DLG2: variants seen among roughly 807,000 people sequenced by gnomAD.
DLG2 encodes disks large homolog 2.
DLG2 carries 45 observed loss-of-function variants against 132.5 expected under a neutral mutation model. The observed-to-expected ratio is 0.34, with a 90% confidence interval of 0.27 to 0.44. The LOEUF (loss-of-function observed/expected upper bound fraction) is 0.44, where lower values mean the gene tolerates loss of function less well. Among genes scored for constraint, DLG2 ranks in the 20% least tolerant of loss-of-function variants. DLG2 has a pLI of 1.00. For missense variants in DLG2, 1,045 were observed against 1,196.9 expected, an observed-to-expected ratio of 0.87 and a Z score of 1.87; for synonymous variants, 424 against 419.6, an observed-to-expected ratio of 1.01 and a Z score of -0.13.
rs566091585 is a variant in DLG2 at position 85,325,248 on chromosome 11, C to G, written c.41-39883G>C. 4.6e-5 allele frequency among the ~76,000 whole-genome samples: 7 copies of G among 152,270 alleles called. No homozygotes were observed. In the South Asian group the frequency reaches 1.5e-3, roughly 32 times the overall value. ...TTAGGTAAACAAAGCAGCTGGGAAG[C>G]TCGAACTGGGCGGAGCCCACCACAG... On this transcript the variant is annotated intron_variant, in intron 3 of 27. Transcript: ENST00000376104.
At chr11:83,794,684 G>A (rs1233603206) in intron 17 of DLG2, among the ~76,000 whole-genome samples, 2 of 152,016 alleles carry the variant, frequency 1.3e-5, no homozygotes, top group African/African-American at 4.8e-5. Flanking sequence ...CCTCAGGAGG[G>A]TGGGATTATT....
intron 6 of DLG2, among the ~76,000 whole-genome samples, chr11:84,659,067 A>G (rs2099691616): frequency 6.6e-6 from 1 of 152,198 alleles, no homozygotes; most frequent in Non-Finnish European, 1.5e-5. Context: ...CACTTAGTCT[A>G]TAGTATTCTG....
chr11:84,108,642 G>C (rs546641615), intron 9 of DLG2, among the ~76,000 whole-genome samples: 18 of 152,278 alleles, frequency 1.2e-4, no homozygotes, highest in Admixed American at 3.3e-4. Context: ...TGAGGCAAGA[G>C]AAGGTAGCAG....
At chr11:85,615,083 A>G (rs1385097621) in intron 2 of DLG2, among the ~76,000 whole-genome samples, 2 of 152,258 alleles carry the variant, frequency 1.3e-5, no homozygotes, top group African/African-American at 2.4e-5. Context: ...TGTTGAAACA[A>G]GAAGATATTA....
intron 22 of DLG2, among the ~76,000 whole-genome samples, chr11:83,474,784 A>C (rs1462816243): frequency 1.3e-5 from 2 of 151,638 alleles, no homozygotes; most frequent in African/African-American, 2.4e-5. Context: ...AACTTTGGAA[A>C]GCATCGTTTT....
intron 6 of DLG2, among the ~76,000 whole-genome samples, chr11:85,000,770 C>T (rs1006237594): frequency 5.3e-5 from 8 of 152,130 alleles, no homozygotes; most frequent in African/African-American, 1.9e-4. Flanking sequence ...CTGTGGGGAG[C>T]AAGGGCATTG....
rs1318381888 is a variant in DLG2 at position 85,574,126 on chromosome 11, G to C, written c.40+24531C>G. Among the ~76,000 whole-genome samples, 12 of 152,146 alleles carry C rather than the reference G, an allele frequency of 7.9e-5. No individual in the cohort carries two copies. The East Asian group carries it at 2.3e-3, about 29-fold the overall frequency. ...GCATAACATTTGGCAAGAAAATAAT[G>C]TTAACTACCTCAGTTGTGAATATTA... is the stretch of plus-strand genomic sequence containing the variant. On this transcript the variant is annotated intron_variant, in intron 3 of 27. Transcript: ENST00000376104.
chr11:85,609,084 T>C (rs2080802889), intron 2 of DLG2, among the ~76,000 whole-genome samples: 4 of 152,094 alleles, frequency 2.6e-5, no homozygotes, highest in Admixed American at 2.6e-4. Context: ...TGACCTGTGT[T>C]CTAGAAGGAC....
At chr11:84,190,881 T>G (rs1266416486) in intron 8 of DLG2, among the ~76,000 whole-genome samples, 1 of 152,194 alleles carries the variant, frequency 6.6e-6, no homozygotes, top group Non-Finnish European at 1.5e-5. Context: ...ATAATCTAGT[T>G]GGATATACTA....
At position 84,169,935 on chromosome 11, in the gene DLG2, T is replaced by TA. The variant is rs557320175; in HGVS notation, c.574-6425dup. On this transcript the variant is annotated intron_variant, in intron 8 of 27. Transcript: ENST00000376104. ...ATCTTGTGTATACTCACTTTTCATTTAAAAAAAATATTCCCTTGCCCAGTA... is the reference window on the plus strand; with the variant it reads ...ATCTTGTGTATACTCACTTTTCATTTAAAAAAAAATATTCCCTTGCCCAGTA... Among the ~76,000 whole-genome samples the TA allele has an allele frequency of 2.8e-3, 424 of 152,024 alleles. 2 individuals carry two copies. Among genetic ancestry groups the TA allele is most frequent in the Admixed American group, 0.012 (187 of 15,250 alleles).
chr11:84,350,159 CAG>C (rs1305565119), intron 7 of DLG2, among the ~76,000 whole-genome samples: 1 of 130,244 alleles, frequency 7.7e-6, no homozygotes, highest in Non-Finnish European at 1.6e-5. Context: ...GCCTGGGCGA[CAG>C]AGAGAGACTT....
At chr11:83,807,201 G>C (rs1179058741) in intron 17 of DLG2, among the ~76,000 whole-genome samples, 1 of 152,198 alleles carries the variant, frequency 6.6e-6, no homozygotes, top group Non-Finnish European at 1.5e-5. Flanking sequence ...TTTGTTCTCT[G>C]AAGCATATAT....
chr11:85,608,725 C>T (rs1450839747), intron 2 of DLG2, among the ~76,000 whole-genome samples: 1 of 152,144 alleles, frequency 6.6e-6, no homozygotes, highest in African/African-American at 2.4e-5. Flanking sequence ...CACCCAGGTA[C>T]ATGACCCTTT....
At chr11:84,091,816 G>A (rs778436234) in intron 10 of DLG2, among the ~76,000 whole-genome samples, 1 of 152,154 alleles carries the variant, frequency 6.6e-6, no homozygotes, top group African/African-American at 2.4e-5. Flanking sequence ...GGAACTTGGG[G>A]TTCTCTTATA....
Position 84,269,164 on chromosome 11 carries a change from G to C in DLG2, c.520-17873C>G, listed in dbSNP as rs200260856. On this transcript the variant is annotated intron_variant, in intron 7 of 27. Transcript: ENST00000376104. ...TAGGATAGTATTCAAGTGTGTAATA[G>C]AGATACATGTGTAACTGTTTATTTA... Among the ~76,000 whole-genome samples the C allele has an allele frequency of 3.9e-5, 6 of 152,294 alleles. No individual in the cohort carries two copies. The East Asian group carries it at 1.2e-3, about 29-fold the overall frequency.
At chr11:83,492,207 G>A (rs1420138792) in intron 21 of DLG2, among the ~76,000 whole-genome samples, 1 of 151,962 alleles carries the variant, frequency 6.6e-6, no homozygotes, top group Non-Finnish European at 1.5e-5. Flanking sequence ...TTGATTCTCA[G>A]GTCTCATCTT....
intron 6 of DLG2, among the ~76,000 whole-genome samples, chr11:85,060,300 T>C (rs2063922877): frequency 6.6e-6 from 1 of 150,938 alleles, no homozygotes; most frequent in Non-Finnish European, 1.5e-5. Flanking sequence ...AAAGGCTAAG[T>C]ATATGTATAT....
At chr11:85,571,318 C>A (rs2077831642) in intron 3 of DLG2, among the ~76,000 whole-genome samples, 2 of 152,084 alleles carry the variant, frequency 1.3e-5, no homozygotes, top group Non-Finnish European at 2.9e-5. Context: ...CTTTTATGAA[C>A]TAATTTTGTA....
At chr11:84,785,180 T>C (rs1565955653) in intron 6 of DLG2, among the ~76,000 whole-genome samples, 1 of 152,106 alleles carries the variant, frequency 6.6e-6, no homozygotes, top group Non-Finnish European at 1.5e-5. Context: ...TACGTTTCTT[T>C]TAATCTACAG....
Sources: gnomAD v4.1 joint callset for allele counts (sites outside exome capture counted in the v4.1 genomes callset) on GRCh38, gnomAD v4.1.1 for gene constraint, MANE v1.5 for transcripts, NCBI Gene and HGNC (gene_info 2026-07-23, HGNC 2026-07-21) for gene names.